AKAP13: variants seen among roughly 807,000 people sequenced by gnomAD.
AKAP13 encodes A-kinase anchoring protein 13, also known as A-kinase anchor protein 13.
In AKAP13, 80 loss-of-function variants were observed where a neutral mutation model predicts 264.5. The ratio of observed to expected loss-of-function variants is 0.30; its 90% CI spans 0.25 to 0.36. The LOEUF is 0.36. Ranked by LOEUF, AKAP13 falls within the 10% of genes least tolerant of loss-of-function variation. The probability of loss-of-function intolerance (pLI) is 1.00; values close to 1 mark genes in which losing one functional copy is unlikely to be tolerated. For synonymous variants in AKAP13, 1,380 were observed against 1,250.2 expected (o/e 1.10, Z -2.19); for missense variants, 3,712 against 3,435.2 (o/e 1.08, Z -2.01).
chr15:85,402,123 C>A (rs1400022905), intron 1 of AKAP13, among the ~76,000 whole-genome samples: 8 of 152,114 alleles, frequency 5.3e-5, no homozygotes, highest in Admixed American at 3.3e-4. Context: ...TTGTTTGGTT[C>A]TTTGTTGTGT....
At chr15:85,713,898 C>A (rs2086770613) in intron 19 of AKAP13, among the ~76,000 whole-genome samples, 1 of 152,144 alleles carries the variant, frequency 6.6e-6, no homozygotes, top group African/African-American at 2.4e-5. Context: ...AGCGTGACCA[C>A]TTTAGCAAAT....
At chr15:85,664,453 A>C in intron 12 of AKAP13, 110 bp from the exon 13 acceptor site, 1 of 1,101,002 alleles carries the variant, frequency 9.1e-7, no homozygotes, top group Non-Finnish European at 1.3e-6. Context: ...TTGCTAGCTG[A>C]CATAGAAATA....
At chr15:85,620,238 A>T (rs530434156) in intron 8 of AKAP13, 1 of 1,457,644 alleles carries the variant, frequency 6.9e-7, no homozygotes, top group East Asian at 2.5e-5. Context: ...TGAACCCGGT[A>T]GCCATGTCCC....
At chr15:85,443,675 C>G (rs1053142135) in intron 1 of AKAP13, among the ~76,000 whole-genome samples, 1 of 151,334 alleles carries the variant, frequency 6.6e-6, no homozygotes, top group Admixed American at 6.6e-5. Context: ...GTCTTATATG[C>G]GGTTCGTGGT....
rs1484667732 is a variant in AKAP13 at position 85,743,588 on chromosome 15, G to A, written c.8155G>A (p.Gly2719Arg). ...SPSAPSIAKS[G>R]SLDSELSVSP... is the part of the protein sequence containing the mutation. ...ATCTGCACCTTCCATAGCCAAATCA[G>A]GGTCATTGGACTCAGAACTTTCAGT... The change falls in exon 36 of 37, where the codon GGG becomes AGG. Residue 2719 changes from glycine to arginine, a missense_variant. Physicochemically the swap from Gly to Arg is moderately radical, Grantham distance 125. This residue lies in a region of AKAP13 where 611 missense variants were observed against 539.3 expected (regional missense o/e 1.13). Coordinates refer to ENST00000394518, the MANE Select transcript of AKAP13 (RefSeq NM_007200.5). 3.3e-5 allele frequency: 53 copies of A among 1,614,020 alleles called. No individual in the cohort carries two copies. Among genetic ancestry groups the A allele is most frequent in the Non-Finnish European group, 4.2e-5 (50 of 1,180,038 alleles).
intron 19 of AKAP13, among the ~76,000 whole-genome samples, chr15:85,713,411 C>A (rs1296940757): frequency 6.6e-6 from 1 of 152,198 alleles, no homozygotes; most frequent in Admixed American, 6.5e-5. Context: ...TCTGACCCAT[C>A]CACATCCTTG....
At position 85,746,294 on chromosome 15, in the gene AKAP13, T is replaced by C. The variant is rs543461657; in HGVS notation, c.*1617T>C. 1.3e-5 allele frequency: 2 copies of C among 152,608 alleles called. No homozygotes were observed. The highest frequency in any genetic ancestry group is 4.1e-4 in the South Asian group (2 of 4,824). The allele number at this position is 152,608 out of a possible 1,614,324, so 9.5% of individuals were successfully genotyped here. Reference sequence around the variant, plus strand: ...TAGCCTACATTTGTTTTATTTATTGTATTTGTGTGTTTGTGTTTGTTTTTT... The same window carrying C: ...TAGCCTACATTTGTTTTATTTATTGCATTTGTGTGTTTGTGTTTGTTTTTT... On this transcript the variant is annotated 3_prime_UTR_variant, in exon 37 of 37. Coordinates refer to ENST00000394518, the MANE Select transcript of AKAP13 (RefSeq NM_007200.5).
At chr15:85,643,190 TC>T (rs1883648243) in intron 9 of AKAP13, among the ~76,000 whole-genome samples, 1 of 130,734 alleles carries the variant, frequency 7.6e-6, no homozygotes, top group South Asian at 2.5e-4. Context: ...CTCTCTCACT[TC>T]CTATGGCATT....
intron 8 of AKAP13, chr15:85,619,590 A>C: frequency 3.0e-6 from 3 of 985,472 alleles, no homozygotes; most frequent in Non-Finnish European, 3.6e-6. Flanking sequence ...GACTTTTTTC[A>C]TGCCATCGCT....
At chr15:85,577,696 C>A in intron 6 of AKAP13, 1 of 653,368 alleles carries the variant, frequency 1.5e-6, no homozygotes, top group Non-Finnish European at 1.9e-6. Flanking sequence ...CCATAATATA[C>A]TCTGACAGTA....
chr15:85,556,584 C>T (rs2078157280), intron 5 of AKAP13, among the ~76,000 whole-genome samples: 2 of 152,184 alleles, frequency 1.3e-5, no homozygotes, highest in African/African-American at 4.8e-5. Flanking sequence ...TAGTTCCTAC[C>T]AGGACTCACA....
intron 1 of AKAP13, among the ~76,000 whole-genome samples, chr15:85,416,871 G>A (rs60345430): frequency 0.065 from 9,868 of 152,116 alleles, 579 homozygotes; most frequent in East Asian, 0.3. Context: ...TACACATTTG[G>A]GGTTCTTAAA....
chr15:85,424,007 TAAACAGATGTTC>T (rs2072649066), intron 1 of AKAP13, among the ~76,000 whole-genome samples: 1 of 152,214 alleles, frequency 6.6e-6, no homozygotes, highest in Non-Finnish European at 1.5e-5. Flanking sequence ...AACCATGCTA[TAAACAGATGTTC>T]TGTCCAGGCT....
intron 5 of AKAP13, among the ~76,000 whole-genome samples, chr15:85,552,948 C>T (rs1284689541): frequency 6.6e-6 from 1 of 152,088 alleles, no homozygotes; most frequent in African/African-American, 2.4e-5. Context: ...TCAAATTGAA[C>T]TTACCCTAGA....
At chr15:85,666,161 A>G (rs7166913) in intron 13 of AKAP13, among the ~76,000 whole-genome samples, 8 of 152,026 alleles carry the variant, frequency 5.3e-5, no homozygotes, top group African/African-American at 1.2e-4. Context: ...AAGCGTTCCT[A>G]TCTCTCCATA....
chr15:85,522,812 A>G (rs909866359), intron 3 of AKAP13, among the ~76,000 whole-genome samples: 1 of 151,886 alleles, frequency 6.6e-6, no homozygotes, highest in Non-Finnish European at 1.5e-5. Context: ...AGTCCTACCT[A>G]GTACCTGGCT....
chr15:85,521,404 T>G (rs771416773), intron 2 of AKAP13, 24 bp from the exon 3 acceptor site: 3 of 1,611,396 alleles, frequency 1.9e-6, no homozygotes, highest in South Asian at 2.2e-5. Context: ...TAATGTAAAC[T>G]TGCTATATTG....
rs1260163841 is a variant in AKAP13 at position 85,746,277 on chromosome 15, A to G, written c.*1600A>G. The G allele has an allele frequency of 1.3e-5, 2 of 152,372 alleles. No individual in the cohort carries two copies. Among genetic ancestry groups the G allele is most frequent in the Admixed American group, 6.5e-5 (1 of 15,272 alleles). 9.4% of individuals were successfully genotyped at this position (152,372 alleles called of 1,614,324 possible). A position where few individuals can be genotyped will look rare whatever the true frequency, so the allele number is the denominator to read the frequency against. ...GTCTGGTTTAAAATTTGTAGCCTACATTTGTTTTATTTATTGTATTTGTGT... is the reference window on the plus strand; with the variant it reads ...GTCTGGTTTAAAATTTGTAGCCTACGTTTGTTTTATTTATTGTATTTGTGT... On this transcript the variant is annotated 3_prime_UTR_variant, in exon 37 of 37. Transcript: ENST00000394518.
At chr15:85,688,491 G>T (rs1252499377) in intron 16 of AKAP13, among the ~76,000 whole-genome samples, 1 of 152,164 alleles carries the variant, frequency 6.6e-6, no homozygotes, top group Non-Finnish European at 1.5e-5. Flanking sequence ...AACTCTTAGA[G>T]AAGTGTCTAA....
Sources: gnomAD v4.1 joint callset for allele counts (sites outside exome capture counted in the v4.1 genomes callset) on GRCh38, gnomAD v4.1.1 for gene constraint, gnomAD v4.1.1 regional missense constraint, MANE v1.5 for transcripts, NCBI Gene and HGNC (gene_info 2026-07-23, HGNC 2026-07-21) for gene names.